Variants in EIF4E observed in about 807,000 individuals in gnomAD.
The protein encoded by EIF4E is eukaryotic translation initiation factor 4E.
For synonymous variants in EIF4E, 71 were observed against 88.5 expected (o/e 0.80, Z 1.11); for missense variants, 113 against 265.6 (o/e 0.43, Z 3.99).
At chr4:98,923,283 G>GAC (rs550321308) in intron 1 of EIF4E, among the ~76,000 whole-genome samples, 11,399 of 148,286 alleles carry the variant, frequency 0.077, 1,032 homozygotes, top group East Asian at 0.49. Context: ...TAGTATTTTA[G>GAC]ACACACACAC....
chr4:98,885,474 G>T lies in EIF4E; in HGVS notation c.400-413C>A, dbSNP rs542306090. ...TGTTGTTGTTGTTGTTTGAGACAGG[G>T]TCTTGCTCTGTCACCCTGGCTGGAG... On this transcript the variant is annotated intron_variant, in intron 5 of 6. Coordinates refer to ENST00000450253, the MANE Select transcript of EIF4E (RefSeq NM_001968.5). Among the ~76,000 whole-genome samples the T allele has an allele frequency of 7.2e-5, 11 of 152,164 alleles. No homozygotes were observed. In the South Asian group the frequency reaches 2.3e-3, roughly 32 times the overall value.
chr4:98,911,661 CAAAAAAAAAAAAAA>C (rs767631331), intron 1 of EIF4E, among the ~76,000 whole-genome samples: 26 of 60,050 alleles, frequency 4.3e-4, no homozygotes, highest in African/African-American at 1.3e-3. Flanking sequence ...AACTCTGTCT[CAAAAAAAAAAAAAA>C]AAAAAAAAAA....
chr4:98,929,014 C>G, intron 1 of EIF4E, 81 bp downstream of exon 1: 1 of 1,564,644 alleles, frequency 6.4e-7, no homozygotes, highest in Non-Finnish European at 8.7e-7. Flanking sequence ...GCGCCGGGAA[C>G]GCCGTCCCGC....
rs532612376 is a variant in EIF4E, at chr4:98,907,421, A to C, written c.19-5439T>G. ...CCAAGGAACAGCATAAAGGACATTG[A>C]AATCAAGCATCAAAAAAGGCACAAA... On this transcript the variant is annotated intron_variant, in intron 1 of 6. Coordinates refer to ENST00000450253, the MANE Select transcript of EIF4E (RefSeq NM_001968.5). Among the ~76,000 whole-genome samples, 19 of 151,678 alleles carry C rather than the reference A, an allele frequency of 1.3e-4. 1 individual carries two copies. In the South Asian group the frequency reaches 3.3e-3, roughly 27 times the overall value.
intron 6 of EIF4E, among the ~76,000 whole-genome samples, chr4:98,882,769 A>G (rs1723752174): frequency 6.6e-6 from 1 of 152,080 alleles, no homozygotes; most frequent in African/African-American, 2.4e-5. Context: ...TACACTCAAA[A>G]ACATTTAATA....
intron 1 of EIF4E, among the ~76,000 whole-genome samples, chr4:98,922,825 T>C (rs575188930): frequency 6.6e-6 from 1 of 151,378 alleles, no homozygotes; most frequent in Admixed American, 6.6e-5. Context: ...GTGACTAAAC[T>C]TCATTTTCCT....
intron 2 of EIF4E, among the ~76,000 whole-genome samples, chr4:98,898,309 C>A (rs962229955): frequency 6.6e-6 from 1 of 152,122 alleles, no homozygotes; most frequent in Non-Finnish European, 1.5e-5. Context: ...CAGTTGACTT[C>A]TAAGACGGCA....
intron 2 of EIF4E, among the ~76,000 whole-genome samples, chr4:98,892,950 T>C (rs1724217340): frequency 1.3e-5 from 2 of 152,148 alleles, no homozygotes; most frequent in African/African-American, 2.4e-5. Flanking sequence ...AGCTTATATA[T>C]ACCTAACATA....
intron 1 of EIF4E, 92 bp from the exon 2 acceptor site, chr4:98,902,074 A>AC (rs1724676216): frequency 3.9e-6 from 4 of 1,032,466 alleles, no homozygotes; most frequent in Non-Finnish European, 5.5e-6. Flanking sequence ...TATGCTGATA[A>AC]TTTTTTTTTT....
chr4:98,886,950 A>T, intron 5 of EIF4E, 129 bp downstream of exon 5: 2 of 915,058 alleles, frequency 2.2e-6, no homozygotes, highest in Non-Finnish European at 1.7e-6. Context: ...AAAAATAATT[A>T]CTGACCCTGA....
chr4:98,902,051 A>C, intron 1 of EIF4E, 69 bp from the exon 2 acceptor site: 1 of 1,422,356 alleles, frequency 7.0e-7, no homozygotes, highest in Non-Finnish European at 9.9e-7. Flanking sequence ...TATTCTAACT[A>C]AACCTGAACT....
At chr4:98,924,289 G>A (rs1410112528) in intron 1 of EIF4E, among the ~76,000 whole-genome samples, 1 of 152,042 alleles carries the variant, frequency 6.6e-6, no homozygotes, top group African/African-American at 2.4e-5. Context: ...ATGTTGATCA[G>A]GCTGGTCTCA....
In EIF4E at chr4:98,929,097, G is replaced by A. The variant is rs961375613; in HGVS notation, c.16C>T (p.Pro6Ser). 10 of 1,581,496 alleles carry A rather than the reference G, an allele frequency of 6.3e-6. No homozygotes were observed. The highest frequency in any genetic ancestry group is 1.3e-5 in the African/African-American group (1 of 74,112). The change falls in exon 1 of 7, where the codon CCG becomes TCG. Residue 6 changes from proline to serine, a missense_variant and splice_region_variant. Coordinates refer to ENST00000450253, the MANE Select transcript of EIF4E (RefSeq NM_001968.5). Reference sequence around the variant, plus strand: ...TGGGGGCCAAAGGCAATACTCACCGGTTCGACAGTCGCCATCTTAGATCGA... The same window carrying A: ...TGGGGGCCAAAGGCAATACTCACCGATTCGACAGTCGCCATCTTAGATCGA... Reference protein sequence around the residue: MATVEPETTPTPNPPT... With the variant: MATVESETTPTPNPPT...
At chr4:98,916,861 C>T (rs960070957) in intron 1 of EIF4E, among the ~76,000 whole-genome samples, 5 of 151,898 alleles carry the variant, frequency 3.3e-5, no homozygotes, top group Admixed American at 1.3e-4. Context: ...AACCAAATAA[C>T]AGGAAGATAA....
Position 98,929,100 on chromosome 4 carries a change from C to G in EIF4E, c.13G>C (p.Glu5Gln). The change falls in exon 1 of 7, where the codon GAA (glutamate) becomes CAA (glutamine). Residue 5 changes from glutamate to glutamine, a missense_variant. By Grantham distance (29) the Glu-to-Gln change is conservative (BLOSUM62 2). Coordinates refer to ENST00000450253, the MANE Select transcript of EIF4E (RefSeq NM_001968.5). ...GGGCCAAAGGCAATACTCACCGGTT[C>G]GACAGTCGCCATCTTAGATCGATCT... MATV[E>Q]PETTPTPNPP... 8.2e-6 allele frequency: 13 copies of G among 1,580,304 alleles called. No homozygotes were observed. Among genetic ancestry groups the G allele is most frequent in the Non-Finnish European group, 1.1e-5 (13 of 1,162,902 alleles).
intron 6 of EIF4E, 41 bp from the exon 7 acceptor site, chr4:98,881,183 A>C (rs1560630914): frequency 1.9e-6 from 3 of 1,601,952 alleles, no homozygotes; most frequent in African/African-American, 2.7e-5. Flanking sequence ...AGTAGTCATT[A>C]ACTTTTACTC....
chr4:98,909,693 A>T (rs1383031046), intron 1 of EIF4E: 1 of 710,238 alleles, frequency 1.4e-6, no homozygotes, highest in Non-Finnish European at 2.6e-6. Flanking sequence ...ATTCTCGCAG[A>T]CTTTCTGCCT....
intron 1 of EIF4E, among the ~76,000 whole-genome samples, chr4:98,917,131 CACAA>C (rs755081636): frequency 0.12 from 6,091 of 52,486 alleles, 214 homozygotes; most frequent in Admixed American, 0.13. Context: ...CACACACACA[CACAA>C]AAAAAACCCA....
intron 2 of EIF4E, among the ~76,000 whole-genome samples, chr4:98,897,791 G>A (rs1286354906): frequency 6.6e-6 from 1 of 152,176 alleles, no homozygotes; most frequent in Non-Finnish European, 1.5e-5. Flanking sequence ...GCCACTGTAA[G>A]CCTGACAACT....
Sources: allele counts gnomAD v4.1 joint callset (sites outside exome capture counted in the v4.1 genomes callset), GRCh38; gene constraint gnomAD v4.1.1; transcripts MANE v1.5; gene names NCBI Gene and HGNC (gene_info 2026-07-23, HGNC 2026-07-21).